The following FARP1 variants were observed in gnomAD, a reference collection of about 807,000 sequenced individuals.
The protein encoded by FARP1 is FERM, ARH/RhoGEF and pleckstrin domain protein 1.
FARP1 carries 52 observed loss-of-function variants against 128.8 expected under a neutral mutation model. The observed-to-expected ratio is 0.40, with a 90% CI of 0.32 to 0.51. The LOEUF is 0.51. FARP1 is among the 20% of genes least tolerant of loss of function. The pLI is 0.45. For missense variants in FARP1, 1,333 were observed against 1,367.9 expected, an observed-to-expected ratio of 0.97 and a Z score of 0.40; for synonymous variants, 580 against 551.8, an observed-to-expected ratio of 1.05 and a Z score of -0.72.
At chr13:98,145,574 G>T (rs1483390147) in intron 1 of FARP1, among the ~76,000 whole-genome samples, 2 of 142,380 alleles carry the variant, frequency 1.4e-5, no homozygotes, top group African/African-American at 2.5e-5. Context: ...TTTCGTTAAA[G>T]AAACTGTCCA....
intron 1 of FARP1, among the ~76,000 whole-genome samples, chr13:98,200,913 A>T (rs1879898319): frequency 6.6e-6 from 1 of 152,150 alleles, no homozygotes; most frequent in South Asian, 2.1e-4. Flanking sequence ...ATCTTTTTAA[A>T]ATTGAGATTC....
chr13:98,411,760 C>T (rs1457953936), intron 15 of FARP1, 141 bp from the exon 16 acceptor site: 14 of 833,702 alleles, frequency 1.7e-5, no homozygotes, highest in Middle Eastern at 7.3e-4. Context: ...CGGGCAGCCC[C>T]GTGTTCCTGA....
intron 2 of FARP1, among the ~76,000 whole-genome samples, chr13:98,290,842 G>C (rs1413651833): frequency 6.6e-6 from 1 of 152,186 alleles, no homozygotes; most frequent in Non-Finnish European, 1.5e-5. Flanking sequence ...GGGCCAAGGA[G>C]CTGGCAAAAT....
intron 2 of FARP1, among the ~76,000 whole-genome samples, chr13:98,265,273 A>G (rs1884052493): frequency 6.8e-6 from 1 of 148,074 alleles, no homozygotes; most frequent in South Asian, 2.1e-4. Flanking sequence ...TGGTTAGTGC[A>G]TGACATACAC....
intron 2 of FARP1, among the ~76,000 whole-genome samples, chr13:98,266,048 T>A (rs1474608511): frequency 2.0e-5 from 3 of 151,988 alleles, no homozygotes; most frequent in Non-Finnish European, 4.4e-5. Context: ...AAGCGCTTTT[T>A]TTTCCCATTT....
intron 1 of FARP1, among the ~76,000 whole-genome samples, chr13:98,208,123 G>A (rs74718903): frequency 6.6e-6 from 1 of 151,992 alleles, no homozygotes; most frequent in Non-Finnish European, 1.5e-5. Context: ...ATTAGAAACA[G>A]ATGCTTAGAA....
intron 1 of FARP1, among the ~76,000 whole-genome samples, chr13:98,167,484 A>G (rs1877350956): frequency 6.7e-6 from 1 of 148,476 alleles, no homozygotes; most frequent in African/African-American, 2.5e-5. Flanking sequence ...ATCTCAGCTC[A>G]ATGCAGCCTC....
intron 2 of FARP1, among the ~76,000 whole-genome samples, chr13:98,224,254 G>A (rs866351179): frequency 6.6e-6 from 1 of 152,086 alleles, no homozygotes; most frequent in Admixed American, 6.6e-5. Context: ...ACGGCCAGGC[G>A]TGGTGGCTCA....
chr13:98,429,242 G>A (rs1341104054), intron 17 of FARP1, among the ~76,000 whole-genome samples: 8 of 152,224 alleles, frequency 5.3e-5, no homozygotes, highest in African/African-American at 1.9e-4. Context: ...GAGTAACCCC[G>A]AGGGATGGGG....
chr13:98,185,229 T>A (rs1206296448), intron 1 of FARP1, among the ~76,000 whole-genome samples: 1 of 150,348 alleles, frequency 6.7e-6, no homozygotes, highest in African/African-American at 2.5e-5. Context: ...CTTTATATAA[T>A]AACTGGCTGG....
At chr13:98,319,403 A>C (rs546959430) in intron 2 of FARP1, among the ~76,000 whole-genome samples, 1 of 152,226 alleles carries the variant, frequency 6.6e-6, no homozygotes, top group South Asian at 2.1e-4. Flanking sequence ...GGCGGATCAC[A>C]AGGTCAGGAG....
chr13:98,308,330 G>A (rs1886276819), intron 2 of FARP1, among the ~76,000 whole-genome samples: 1 of 152,108 alleles, frequency 6.6e-6, no homozygotes, highest in Non-Finnish European at 1.5e-5. Context: ...GCTCCCTCAG[G>A]GGCACGTGGG....
intron 2 of FARP1, among the ~76,000 whole-genome samples, chr13:98,285,911 G>A (rs1002905123): frequency 4.6e-5 from 7 of 152,010 alleles, no homozygotes; most frequent in Non-Finnish European, 7.4e-5. Context: ...ACTGTTCCAC[G>A]GCCCCTTCCT....
chr13:98,301,167 T>G (rs901923063), intron 2 of FARP1, among the ~76,000 whole-genome samples: 2 of 152,158 alleles, frequency 1.3e-5, no homozygotes, highest in Non-Finnish European at 2.9e-5. Flanking sequence ...TGCTCAAATG[T>G]CAGTAATGCA....
At chr13:98,216,088 C>T (rs1435034408) in intron 2 of FARP1, among the ~76,000 whole-genome samples, 1 of 152,176 alleles carries the variant, frequency 6.6e-6, no homozygotes, top group Non-Finnish European at 1.5e-5. Context: ...CACACCTGGC[C>T]ATATTTTAAT....
chr13:98,155,550 C>T (rs1334085679), intron 1 of FARP1, among the ~76,000 whole-genome samples: 1 of 152,036 alleles, frequency 6.6e-6, no homozygotes, highest in Non-Finnish European at 1.5e-5. Flanking sequence ...GAGACAGGGT[C>T]TCACTCTGTC....
chr13:98,271,033 G>A (rs956350886), intron 2 of FARP1, among the ~76,000 whole-genome samples: 4 of 152,172 alleles, frequency 2.6e-5, no homozygotes, highest in African/African-American at 9.7e-5. Context: ...CTCTTTTCAT[G>A]AAGACGATTA....
At chr13:98,437,792 T>A in intron 19 of FARP1, 5 of 1,591,364 alleles carry the variant, frequency 3.1e-6, no homozygotes, top group Non-Finnish European at 3.4e-6. Context: ...TTATTAGGAC[T>A]CCACACTTAG....
Position 98,448,291 on chromosome 13 carries a change from A to T in FARP1, c.3112A>T (p.Ser1038Cys), listed in dbSNP as rs1419957820. 6.2e-7 allele frequency: 1 copy of T among 1,614,018 alleles called. No individual in the cohort carries two copies. The highest frequency in any genetic ancestry group is 8.5e-7 in the Non-Finnish European group (1 of 1,179,850). ...CTCTGCCTCGCGACCCCACGTGTTG[A>T]GTCACAAAGAGTCTCTTGTGTATTG... ...TSSASRPHVL[S>C]HKESLVY The change falls in exon 27 of 27, where the codon AGT becomes TGT. Residue 1038 changes from serine to cysteine, a missense_variant. Around this residue, in one of 2 missense-constraint regions of FARP1, gnomAD observed 1,009 missense variants for 969.8 expected, o/e 1.04. Transcript: ENST00000319562.
Sources: allele counts gnomAD v4.1 joint callset (sites outside exome capture counted in the v4.1 genomes callset), GRCh38; gene constraint gnomAD v4.1.1; regional missense constraint gnomAD v4.1.1; transcripts MANE v1.5; gene names NCBI Gene and HGNC (gene_info 2026-07-23, HGNC 2026-07-21).